Variants in TENM3 observed in about 807,000 individuals in gnomAD.
TENM3 encodes teneurin transmembrane protein 3.
In TENM3, 63 loss-of-function variants were observed where a neutral mutation model predicts 255.1. The observed-to-expected ratio is 0.25, with a 90% CI of 0.20 to 0.30. The LOEUF (loss-of-function observed/expected upper bound fraction) is 0.30. Among genes scored for constraint, TENM3 ranks in the 10% least tolerant of loss-of-function variants. The probability of loss-of-function intolerance (pLI) is 1.00; values close to 1 mark genes in which losing one functional copy is unlikely to be tolerated. For missense variants in TENM3, 2,929 were observed against 3,461.1 expected (o/e 0.85, Z 3.86); for synonymous variants, 1,306 against 1,322.3 (o/e 0.99, Z 0.27).
chr4:182,688,364 C>A lies in TENM3; in HGVS notation c.2221+13C>A, dbSNP rs757860803. On this transcript the variant is annotated intron_variant, in intron 12 of 27. Transcript: ENST00000511685. ...CACTGCACTATCGGTAGGCTTACTG[C>A]AAGTCTGTGTCTGTCCCCTTCCTCC... 1.3e-6 allele frequency: 2 copies of A among 1,567,496 alleles called. No homozygotes were observed. The highest frequency in any genetic ancestry group is 1.2e-5 in the South Asian group (1 of 85,960).
At chr4:181,915,781 C>T in the TENM3 span, among the ~76,000 whole-genome samples, 1 of 151,480 alleles carries the variant, frequency 6.6e-6, no homozygotes, top group South Asian at 2.1e-4. Flanking sequence ...ATTCAGGGAG[C>T]CAGAGGTAGT....
chr4:181,675,554 A>G, the TENM3 span, among the ~76,000 whole-genome samples: 1 of 152,128 alleles, frequency 6.6e-6, no homozygotes, highest in Non-Finnish European at 1.5e-5. Flanking sequence ...TCTTCTTAAC[A>G]TATGTGCCTT....
chr4:182,785,328 T>G (rs1369925229), intron 24 of TENM3, among the ~76,000 whole-genome samples: 1 of 151,882 alleles, frequency 6.6e-6, no homozygotes, highest in African/African-American at 2.4e-5. Flanking sequence ...TGCCTCAGCC[T>G]CCCAAAATCT....
chr4:182,590,528 G>T (rs1332583312), intron 3 of TENM3, among the ~76,000 whole-genome samples: 1 of 108,706 alleles, frequency 9.2e-6, no homozygotes, highest in East Asian at 3.1e-4. Flanking sequence ...AATAGAGCGA[G>T]ACCCTGTCTC....
intron 3 of TENM3, among the ~76,000 whole-genome samples, chr4:182,515,809 C>T (rs1049180868): frequency 6.6e-6 from 1 of 152,090 alleles, no homozygotes; most frequent in Non-Finnish European, 1.5e-5. Flanking sequence ...GTCTGTGATA[C>T]AGTAAAAGTC....
the TENM3 span, among the ~76,000 whole-genome samples, chr4:181,571,620 G>T: frequency 1.4e-4 from 21 of 152,150 alleles, no homozygotes; most frequent in Non-Finnish European, 2.1e-4. Flanking sequence ...TTACAGGTGT[G>T]AGCCACCGTG....
intron 12 of TENM3, among the ~76,000 whole-genome samples, chr4:182,691,527 T>G (rs1291965354): frequency 6.6e-6 from 1 of 152,212 alleles, no homozygotes; most frequent in East Asian, 1.9e-4. Flanking sequence ...ATTTGGAGTG[T>G]TCACTGAACA....
At chr4:182,421,123 T>G (rs1770803345) in intron 3 of TENM3, among the ~76,000 whole-genome samples, 1 of 152,150 alleles carries the variant, frequency 6.6e-6, no homozygotes, top group Admixed American at 6.5e-5. Context: ...AAAATAAAAT[T>G]GCACTGATAG....
rs555842412 is a variant in TENM3, at chr4:182,395,275, C to T, written c.511+48346C>T. The stretch of plus-strand genomic sequence containing the variant: ...GCCTGGCTTTTTCAGGAAATTAACC[C>T]ATTAGGAGATTTGGCCAGAAAAGTC... On this transcript the variant is annotated intron_variant, in intron 3 of 27. Coordinates refer to ENST00000511685, the MANE Select transcript of TENM3 (RefSeq NM_001080477.4). 7.8e-4 allele frequency among the ~76,000 whole-genome samples: 119 copies of T among 152,202 alleles called. 4 individuals are homozygous for T. The South Asian group carries it at 0.024, about 31-fold the overall frequency.
intron 1 of TENM3, among the ~76,000 whole-genome samples, chr4:182,213,694 A>G (rs1755207840): frequency 6.6e-6 from 1 of 152,258 alleles, no homozygotes; most frequent in Admixed American, 6.5e-5. Flanking sequence ...TTTGCATGCC[A>G]GAAATTCTGA....
the TENM3 span, among the ~76,000 whole-genome samples, chr4:181,832,830 G>A: frequency 1.3e-5 from 2 of 152,114 alleles, no homozygotes; most frequent in Non-Finnish European, 2.9e-5. Flanking sequence ...TGTGTGGGGG[G>A]CAGCCCAGTG....
the TENM3 span, among the ~76,000 whole-genome samples, chr4:181,674,359 T>C: frequency 2.0e-5 from 3 of 152,054 alleles, no homozygotes; most frequent in East Asian, 5.8e-4. Flanking sequence ...CTTATTAGTG[T>C]ATCTAGCTTA....
At chr4:181,538,194 T>C in the TENM3 span, among the ~76,000 whole-genome samples, 355 of 152,304 alleles carry the variant, frequency 2.3e-3, 2 homozygotes, top group African/African-American at 8.3e-3. Context: ...TTTTAATCGG[T>C]TTTCTAACCA....
At chr4:182,314,473 C>G (rs1008372052) in intron 1 of TENM3, among the ~76,000 whole-genome samples, 1 of 152,208 alleles carries the variant, frequency 6.6e-6, no homozygotes, top group Non-Finnish European at 1.5e-5. Flanking sequence ...TCTATACATA[C>G]AGATCAGCTG....
At chr4:182,113,743 G>A in the TENM3 span, among the ~76,000 whole-genome samples, 1 of 152,084 alleles carries the variant, frequency 6.6e-6, no homozygotes, top group Non-Finnish European at 1.5e-5. Flanking sequence ...AAGGGGAAGA[G>A]AGAGACAGAG....
At chr4:182,755,395 G>A (rs992171555) in intron 22 of TENM3, 136 bp downstream of exon 22, 38 of 858,072 alleles carry the variant, frequency 4.4e-5, no homozygotes, top group African/African-American at 4.1e-4. Context: ...TTTGGATCCC[G>A]GCTGGGCACG....
At chr4:182,536,730 C>T (rs1401511686) in intron 3 of TENM3, among the ~76,000 whole-genome samples, 2 of 152,112 alleles carry the variant, frequency 1.3e-5, no homozygotes, top group African/African-American at 4.8e-5. Context: ...AGCATGGAGC[C>T]TGTTTCTGCT....
chr4:181,868,512 G>T, the TENM3 span, among the ~76,000 whole-genome samples: 1 of 152,136 alleles, frequency 6.6e-6, no homozygotes, highest in South Asian at 2.1e-4. Context: ...AACATCACCT[G>T]TTTTAATCGA....
At chr4:181,668,859 C>T in the TENM3 span, among the ~76,000 whole-genome samples, 11 of 152,256 alleles carry the variant, frequency 7.2e-5, no homozygotes, top group East Asian at 7.7e-4. Flanking sequence ...TATTCGAAAA[C>T]GTCAACTTTC....
Sources: gnomAD v4.1 joint callset for allele counts (sites outside exome capture counted in the v4.1 genomes callset) on GRCh38, gnomAD v4.1.1 for gene constraint, MANE v1.5 for transcripts, NCBI Gene and HGNC (gene_info 2026-07-23, HGNC 2026-07-21) for gene names.